FHIT: variants seen among roughly 807,000 people sequenced by gnomAD.
FHIT encodes fragile histidine triad diadenosine triphosphatase, also known as bis(5'-adenosyl)-triphosphatase.
In FHIT, 19 loss-of-function variants were observed where a neutral mutation model predicts 17.9. The ratio of observed to expected loss-of-function variants is 1.06; its 90% confidence interval spans 0.74 to 1.56. The LOEUF (loss-of-function observed/expected upper bound fraction) is 1.56, where lower values mean the gene tolerates loss of function less well. Among genes scored for constraint, FHIT ranks in the 40% most tolerant of loss-of-function variants. The pLI is 0.00. For missense variants in FHIT, 248 were observed against 189.2 expected (o/e 1.31, Z -1.82); for synonymous variants, 81 against 69.7 (o/e 1.16, Z -0.81).
At chr3:60,084,445 C>A (rs1703416226) in intron 5 of FHIT, among the ~76,000 whole-genome samples, 1 of 152,018 alleles carries the variant, frequency 6.6e-6, no homozygotes, top group African/African-American at 2.4e-5. Flanking sequence ...TGGGCCAGAC[C>A]CTACGCTATG....
At chr3:60,916,875 A>G (rs782209085) in intron 3 of FHIT, among the ~76,000 whole-genome samples, 8 of 152,178 alleles carry the variant, frequency 5.3e-5, no homozygotes, top group Non-Finnish European at 8.8e-5. Context: ...GGGAGTATTA[A>G]AAGGAAGAGA....
At chr3:61,224,914 G>GT (rs1576258137) in intron 1 of FHIT, among the ~76,000 whole-genome samples, 1 of 152,170 alleles carries the variant, frequency 6.6e-6, no homozygotes, top group Non-Finnish European at 1.5e-5. Flanking sequence ...CATGTTTGAG[G>GT]TTTTTACATG....
At chr3:61,162,809 C>A (rs1309851178) in intron 2 of FHIT, among the ~76,000 whole-genome samples, 1 of 152,162 alleles carries the variant, frequency 6.6e-6, no homozygotes, top group African/African-American at 2.4e-5. Context: ...CCCCCTACCC[C>A]ACCCTCAGAA....
At chr3:61,054,098 T>C (rs898722117) in intron 2 of FHIT, among the ~76,000 whole-genome samples, 1 of 152,194 alleles carries the variant, frequency 6.6e-6, no homozygotes, top group African/African-American at 2.4e-5. Context: ...AGCACTGGTG[T>C]GGTATCCCCA....
intron 8 of FHIT, among the ~76,000 whole-genome samples, chr3:59,757,331 A>AATCT (rs1434462442): frequency 1.3e-5 from 2 of 152,184 alleles, no homozygotes; most frequent in South Asian, 4.1e-4. Context: ...TAAAACAAAA[A>AATCT]ATCTATCTTC....
intron 2 of FHIT, among the ~76,000 whole-genome samples, chr3:61,063,282 G>A (rs1013663820): frequency 9.5e-6 from 1 of 104,964 alleles, no homozygotes; most frequent in Non-Finnish European, 2.3e-5. Context: ...AGTTTTAAGT[G>A]AACCATGTAC....
At chr3:61,230,260 C>T (rs2040066311) in intron 1 of FHIT, among the ~76,000 whole-genome samples, 1 of 152,150 alleles carries the variant, frequency 6.6e-6, no homozygotes, top group Admixed American at 6.5e-5. Context: ...GTGGATTTTT[C>T]ATGAATGGTT....
At chr3:60,620,160 G>A (rs1553677850) in intron 4 of FHIT, among the ~76,000 whole-genome samples, 1 of 152,198 alleles carries the variant, frequency 6.6e-6, no homozygotes, top group African/African-American at 2.4e-5. Context: ...CCAAGTGCTA[G>A]TGAGGATGTG....
chr3:60,910,917 C>T (rs1369217917), intron 3 of FHIT, among the ~76,000 whole-genome samples: 1 of 152,204 alleles, frequency 6.6e-6, no homozygotes, highest in Non-Finnish European at 1.5e-5. Flanking sequence ...AGCCAATATT[C>T]ACCCTTTCTT....
intron 5 of FHIT, among the ~76,000 whole-genome samples, chr3:60,311,956 A>G (rs1343951319): frequency 1.3e-5 from 2 of 152,212 alleles, no homozygotes; most frequent in South Asian, 4.1e-4. Flanking sequence ...CTAAGGTAAT[A>G]CAGTATAATA....
In FHIT at chr3:60,201,333, C is replaced by A. The variant is rs749932414; in HGVS notation, c.104-187181G>T. On this transcript the variant is annotated intron_variant, in intron 5 of 9. Transcript: ENST00000492590. Reference sequence around the variant, plus strand: ...ATTGTGGGTTTGTATTTCTGAGTGCCAATACAAACCACAATACTATCTATT... The same window carrying A: ...ATTGTGGGTTTGTATTTCTGAGTGCAAATACAAACCACAATACTATCTATT... Among the ~76,000 whole-genome samples the A allele has an allele frequency of 9.5e-4, 145 of 151,936 alleles. 8 individuals are homozygous for A. Among genetic ancestry groups the A allele is most frequent in the South Asian group, 4.2e-4 (2 of 4,804 alleles).
chr3:60,413,054 C>A (rs1702121078), intron 5 of FHIT, among the ~76,000 whole-genome samples: 1 of 152,114 alleles, frequency 6.6e-6, no homozygotes, highest in Non-Finnish European at 1.5e-5. Flanking sequence ...TCGGGCAGTT[C>A]TTCATAGCAG....
chr3:60,275,900 A>G (rs1707106195), intron 5 of FHIT, among the ~76,000 whole-genome samples: 2 of 152,194 alleles, frequency 1.3e-5, no homozygotes, highest in Non-Finnish European at 1.5e-5. Flanking sequence ...GCCAGTTTCT[A>G]CAAATTAAAG....
chr3:60,118,022 G>A (rs573806123), intron 5 of FHIT, among the ~76,000 whole-genome samples: 14 of 152,248 alleles, frequency 9.2e-5, no homozygotes, highest in East Asian at 5.8e-4. Context: ...TGATCCAAGC[G>A]GTGAGTTTGA....
chr3:60,992,200 C>T (rs969945457), intron 3 of FHIT, among the ~76,000 whole-genome samples: 2 of 152,118 alleles, frequency 1.3e-5, no homozygotes, highest in Admixed American at 1.3e-4. Flanking sequence ...GATATCAAAG[C>T]AGTGGTAACA....
At chr3:60,418,869 T>C (rs1702366494) in intron 5 of FHIT, among the ~76,000 whole-genome samples, 1 of 152,092 alleles carries the variant, frequency 6.6e-6, no homozygotes. Flanking sequence ...TGCAAATAAA[T>C]GTGCTATAAT....
At chr3:60,647,466 AAAG>A (rs1444853117) in intron 4 of FHIT, among the ~76,000 whole-genome samples, 10 of 152,170 alleles carry the variant, frequency 6.6e-5, no homozygotes, top group African/African-American at 1.7e-4. Flanking sequence ...GGCCTCCTAG[AAAG>A]AAGAAGAGAC....
intron 4 of FHIT, among the ~76,000 whole-genome samples, chr3:60,803,429 A>C (rs1458477433): frequency 1.3e-5 from 2 of 152,218 alleles, no homozygotes. Context: ...TTTCTCAGTA[A>C]AGACTCTTCC....
At chr3:60,823,623 G>A (rs1372630885) in intron 3 of FHIT, among the ~76,000 whole-genome samples, 1 of 152,162 alleles carries the variant, frequency 6.6e-6, no homozygotes, top group Admixed American at 6.5e-5. Flanking sequence ...GCAGATTTTA[G>A]AGGGAGCATG....
Sources: allele counts gnomAD v4.1 joint callset (sites outside exome capture counted in the v4.1 genomes callset), GRCh38; gene constraint gnomAD v4.1.1; transcripts MANE v1.5; gene names NCBI Gene and HGNC (gene_info 2026-07-23, HGNC 2026-07-21).